NFIA: variants seen among roughly 807,000 people sequenced by gnomAD.
NFIA encodes the protein nuclear factor I A, also known as nuclear factor 1 A-type.
Under a neutral mutation model 62.8 loss-of-function variants are expected in NFIA, and 8 were observed. That is an observed-to-expected ratio of 0.13 (90% CI 0.07 to 0.23). NFIA has a LOEUF of 0.23. NFIA is among the 10% of genes least tolerant of loss of function. The pLI is 1.00. For synonymous variants in NFIA, 235 were observed against 238.1 expected, an observed-to-expected ratio of 0.99 and a Z score of 0.12; for missense variants, 410 against 642.1, an observed-to-expected ratio of 0.64 and a Z score of 3.91.
rs1570188734 is a variant in NFIA at position 61,116,933 on chromosome 1, T to C, written c.559+28253T>C. Among the ~76,000 whole-genome samples the C allele has an allele frequency of 2.0e-5, 3 of 152,362 alleles. No homozygotes were observed. The South Asian group carries it at 6.2e-4, about 32-fold the overall frequency. ...TATTTCCTGCATGTGTGAGTGTATT[T>C]TGTTAGAACATTCCATTTTAAAGCA... On this transcript the variant is annotated intron_variant, in intron 2 of 10. Coordinates refer to ENST00000403491, the MANE Select transcript of NFIA (RefSeq NM_001134673.4).
At chr1:61,219,730 A>AAAG (rs1454069754) in intron 2 of NFIA, among the ~76,000 whole-genome samples, 1 of 142,942 alleles carries the variant, frequency 7.0e-6, no homozygotes, top group Non-Finnish European at 1.5e-5. Flanking sequence ...AAAAAAAGAA[A>AAAG]AAAGGCGGGC....
intron 7 of NFIA, among the ~76,000 whole-genome samples, chr1:61,383,912 T>C (rs553499595): frequency 3.3e-5 from 5 of 152,338 alleles, no homozygotes; most frequent in Admixed American, 1.3e-4. Flanking sequence ...AAGTGGTAGA[T>C]AGTTTGTCTG....
intron 6 of NFIA, among the ~76,000 whole-genome samples, chr1:61,360,778 A>G (rs1188908817): frequency 6.6e-6 from 1 of 152,260 alleles, no homozygotes; most frequent in Non-Finnish European, 1.5e-5. Flanking sequence ...TCACAGAAGT[A>G]CATACCTCCC....
chr1:61,150,949 G>A (rs1648356717), intron 2 of NFIA, among the ~76,000 whole-genome samples: 1 of 152,162 alleles, frequency 6.6e-6, no homozygotes, highest in South Asian at 2.1e-4. Flanking sequence ...TTGTTTCCCA[G>A]ACAGTTTTCA....
chr1:61,330,043 A>G lies in NFIA; in HGVS notation c.626-2469A>G, dbSNP rs571619424. On this transcript the variant is annotated intron_variant, in intron 3 of 10. Coordinates refer to ENST00000403491, the MANE Select transcript of NFIA (RefSeq NM_001134673.4). Reference sequence around the variant, plus strand: ...GAGGCAGGAGTCAGGGATGATGCCAAAAAACTAGATGAGTGGCCGATGGTT... The same window carrying G: ...GAGGCAGGAGTCAGGGATGATGCCAGAAAACTAGATGAGTGGCCGATGGTT... 4.6e-5 allele frequency among the ~76,000 whole-genome samples: 7 copies of G among 152,312 alleles called. No homozygotes were observed. In the East Asian group the frequency reaches 9.7e-4, roughly 21 times the overall value.
intron 2 of NFIA, among the ~76,000 whole-genome samples, chr1:61,168,866 C>A (rs1187315617): frequency 1.3e-5 from 2 of 152,042 alleles, no homozygotes; most frequent in African/African-American, 2.4e-5. Context: ...TCAGCATTTC[C>A]TTTTTTGCAG....
chr1:61,199,483 A>G (rs1336324894), intron 2 of NFIA, among the ~76,000 whole-genome samples: 1 of 152,182 alleles, frequency 6.6e-6, no homozygotes, highest in African/African-American at 2.4e-5. Context: ...TGGCTTATGT[A>G]GCATTTCCAA....
chr1:61,305,575 T>C (rs76252862), intron 3 of NFIA, among the ~76,000 whole-genome samples: 1 of 152,212 alleles, frequency 6.6e-6, no homozygotes, highest in African/African-American at 2.4e-5. Context: ...GCAGATAAAC[T>C]GAGAGCCTAG....
intron 9 of NFIA, among the ~76,000 whole-genome samples, chr1:61,413,213 T>C (rs1375336388): frequency 5.3e-5 from 8 of 152,216 alleles, no homozygotes; most frequent in Non-Finnish European, 1.0e-4. Context: ...TTTATATCTT[T>C]GATGAATCTT....
chr1:61,153,183 C>T (rs1648542796), intron 2 of NFIA, among the ~76,000 whole-genome samples: 1 of 152,218 alleles, frequency 6.6e-6, no homozygotes, highest in Non-Finnish European at 1.5e-5. Flanking sequence ...TTTTCAAACA[C>T]TTGAATTGGA....
At chr1:61,360,425 C>T (rs879015761) in intron 6 of NFIA, among the ~76,000 whole-genome samples, 4 of 152,188 alleles carry the variant, frequency 2.6e-5, no homozygotes, top group African/African-American at 4.8e-5. Flanking sequence ...CTCTCTGAGC[C>T]TGTGTCTCCC....
At chr1:61,369,136 A>G (rs566146035) in intron 6 of NFIA, among the ~76,000 whole-genome samples, 8 of 152,310 alleles carry the variant, frequency 5.3e-5, no homozygotes, top group African/African-American at 1.9e-4. Context: ...TCGTTTCGTA[A>G]TATCAGAGTC....
chr1:61,166,206 C>T (rs1159552752), intron 2 of NFIA, among the ~76,000 whole-genome samples: 1 of 152,104 alleles, frequency 6.6e-6, no homozygotes, highest in African/African-American at 2.4e-5. Context: ...AAATATAGTA[C>T]ATTTCCATTC....
At chr1:61,327,550 A>G (rs1010164863) in intron 3 of NFIA, among the ~76,000 whole-genome samples, 3 of 152,114 alleles carry the variant, frequency 2.0e-5, no homozygotes, top group Non-Finnish European at 4.4e-5. Flanking sequence ...ACTTAGAATA[A>G]TGGCCTCTGG....
upstream of NFIA, among the ~76,000 whole-genome samples, chr1:61,077,917 G>T (rs1304995395): frequency 6.7e-6 from 1 of 148,316 alleles, no homozygotes; most frequent in East Asian, 2.0e-4. Context: ...TCCTCCTAGC[G>T]CTTGCTCGGT....
chr1:61,288,918 C>A (rs773671623), intron 3 of NFIA, among the ~76,000 whole-genome samples: 6 of 152,154 alleles, frequency 3.9e-5, no homozygotes, highest in African/African-American at 1.2e-4. Context: ...TAGGCACACG[C>A]CACCAAGCCC....
At chr1:61,140,665 T>C (rs1271047432) in intron 2 of NFIA, among the ~76,000 whole-genome samples, 1 of 152,098 alleles carries the variant, frequency 6.6e-6, no homozygotes, top group African/African-American at 2.4e-5. Context: ...GAATGTAGCA[T>C]GGGAAAGCTC....
chr1:61,441,887 A>C, intron 10 of NFIA, among the ~76,000 whole-genome samples: 2 of 147,698 alleles, frequency 1.4e-5, no homozygotes, highest in East Asian at 2.0e-4. Flanking sequence ...CCTTCACACC[A>C]CCCCCCTGTT....
chr1:61,384,498 G>A (rs558932185), intron 7 of NFIA, among the ~76,000 whole-genome samples: 1 of 152,196 alleles, frequency 6.6e-6, no homozygotes, highest in South Asian at 2.1e-4. Context: ...TTTCATTTGT[G>A]TATTATGTGT....
Sources: allele counts gnomAD v4.1 joint callset (sites outside exome capture counted in the v4.1 genomes callset), GRCh38; gene constraint gnomAD v4.1.1; transcripts MANE v1.5; gene names NCBI Gene and HGNC (gene_info 2026-07-23, HGNC 2026-07-21).